The following SDK2 variants were observed in gnomAD, a reference collection of about 807,000 sequenced individuals.
SDK2 encodes protein sidekick-2.
In SDK2, 105 loss-of-function variants were observed where a neutral mutation model predicts 253.9. The observed-to-expected ratio is 0.41, with a 90% confidence interval of 0.35 to 0.49. The LOEUF (loss-of-function observed/expected upper bound fraction) is 0.49, where lower values mean the gene tolerates loss of function less well. SDK2 is among the 20% of genes least tolerant of loss of function. The probability of loss-of-function intolerance (pLI) is 0.06; values close to 1 mark genes in which losing one functional copy is unlikely to be tolerated. For synonymous variants in SDK2, 1,249 were observed against 1,234.9 expected, an observed-to-expected ratio of 1.01 and a Z score of -0.24; for missense variants, 2,608 against 3,003.0, an observed-to-expected ratio of 0.87 and a Z score of 3.07.
chr17:73,347,667 G>A (rs534619116), intron 44 of SDK2, among the ~76,000 whole-genome samples: 5 of 152,196 alleles, frequency 3.3e-5, no homozygotes, highest in Non-Finnish European at 5.9e-5. Flanking sequence ...GGTCCAGGGC[G>A]TGGGATGCAG....
chr17:73,458,028 G>A (rs181941838), intron 3 of SDK2, among the ~76,000 whole-genome samples: 92 of 152,176 alleles, frequency 6.0e-4, no homozygotes, highest in South Asian at 2.9e-3. Context: ...ATTCAGGCTG[G>A]AGCACAGTGG....
chr17:73,635,364 C>T (rs2046317628), intron 1 of SDK2, among the ~76,000 whole-genome samples: 3 of 152,104 alleles, frequency 2.0e-5, no homozygotes, highest in African/African-American at 7.2e-5. Flanking sequence ...TCTCACGGCT[C>T]GAAGCAGCAA....
At chr17:73,531,112 C>T (rs564515366) in intron 1 of SDK2, among the ~76,000 whole-genome samples, 10 of 152,306 alleles carry the variant, frequency 6.6e-5, no homozygotes, top group African/African-American at 1.7e-4. Context: ...CTTGTTCCCA[C>T]CCTCATCCCT....
intron 38 of SDK2, among the ~76,000 whole-genome samples, chr17:73,363,712 C>A (rs894944543): frequency 6.6e-6 from 1 of 152,066 alleles, no homozygotes; most frequent in Non-Finnish European, 1.5e-5. Context: ...CAGATCCCAC[C>A]AGACTGTGGA....
At chr17:73,568,769 C>T (rs1328616294) in intron 1 of SDK2, among the ~76,000 whole-genome samples, 2 of 141,770 alleles carry the variant, frequency 1.4e-5, no homozygotes, top group Admixed American at 1.4e-4. Context: ...CAATGAACCC[C>T]AAGCAGGATA....
intron 1 of SDK2, among the ~76,000 whole-genome samples, chr17:73,531,979 A>G (rs2064172395): frequency 6.6e-6 from 1 of 152,016 alleles, no homozygotes; most frequent in African/African-American, 2.4e-5. Context: ...GCGCCTTCTA[A>G]TCTCCATCGT....
rs376374660 is a variant in SDK2, at chr17:73,419,105, C to T, written c.2186+61G>A. 37 of 1,572,366 alleles carry T rather than the reference C, an allele frequency of 2.4e-5. No homozygotes were observed. In the African/African-American group the frequency reaches 2.6e-4, roughly 11 times the overall value. The stretch of plus-strand genomic sequence containing the variant: ...TTTGCACTGTTTTCCAGTCCACTCC[C>T]GATCTTCCCCCATGCCTTTCCCCTT... On this transcript the variant is annotated intron_variant, in intron 16 of 44. Coordinates refer to ENST00000392650, the MANE Select transcript of SDK2 (RefSeq NM_001144952.2).
intron 2 of SDK2, among the ~76,000 whole-genome samples, chr17:73,498,778 A>C (rs1156251890): frequency 6.6e-6 from 1 of 152,174 alleles, no homozygotes; most frequent in Non-Finnish European, 1.5e-5. Context: ...TTTGTTAATA[A>C]GAGTTAAGGT....
At chr17:73,550,020 C>T (rs887843410) in intron 1 of SDK2, among the ~76,000 whole-genome samples, 6 of 152,130 alleles carry the variant, frequency 3.9e-5, no homozygotes, top group Non-Finnish European at 7.4e-5. Context: ...ATGCACCCCT[C>T]CCGCTGCTCT....
chr17:73,496,815 ACTC>A lies in SDK2; in HGVS notation c.224+10620_224+10622del, dbSNP rs1456008955. Among the ~76,000 whole-genome samples the A allele has an allele frequency of 6.6e-6, 1 of 150,822 alleles. No individual in the cohort carries two copies. Reference sequence around the variant, plus strand: ...GCCCCGACTTGCTCATCCCTCTCTAACTCCTCAACTTGCCCCATCCTCCCCCTC... The same window carrying A: ...GCCCCGACTTGCTCATCCCTCTCTAACTCAACTTGCCCCATCCTCCCCCTC... On this transcript the variant is annotated intron_variant, in intron 2 of 44. Coordinates refer to ENST00000392650, the MANE Select transcript of SDK2 (RefSeq NM_001144952.2). This position sits in a 1 kb window ranked among gnomAD's most constrained non-coding sequence, Gnocchi z 4.7.
chr17:73,565,482 C>A (rs546033260), intron 1 of SDK2, among the ~76,000 whole-genome samples: 42 of 152,222 alleles, frequency 2.8e-4, no homozygotes, highest in African/African-American at 9.6e-4. Flanking sequence ...GATCCCTACA[C>A]AATAGAAAAG....
At chr17:73,568,549 T>G (rs988377593) in intron 1 of SDK2, among the ~76,000 whole-genome samples, 8 of 151,638 alleles carry the variant, frequency 5.3e-5, no homozygotes, top group Non-Finnish European at 8.8e-5. Flanking sequence ...TGAAAATAGA[T>G]CAATAAAAAA....
At chr17:73,368,006 A>G (rs192106396) in intron 37 of SDK2, among the ~76,000 whole-genome samples, 11 of 152,222 alleles carry the variant, frequency 7.2e-5, no homozygotes, top group African/African-American at 2.6e-4. Context: ...TGTCCCTAGC[A>G]TCTAGCATGG....
intron 2 of SDK2, among the ~76,000 whole-genome samples, chr17:73,499,248 C>T (rs961912588): frequency 4.6e-5 from 7 of 152,254 alleles, no homozygotes; most frequent in Admixed American, 1.3e-4. Context: ...CCAGTGGCTC[C>T]GCGTGCGTCC....
Position 73,440,851 on chromosome 17 carries a change from C to G in SDK2, c.686G>C (p.Gly229Ala). ...IPPKNTSVVA[G>A]TSEVTLECVA... ...ACACTCCAAGGTAACCTCTGAGGTG[C>G]CGGCCACCACGCTGGTGTTTTTAGG... The change falls in exon 6 of 45, where the codon GGC (glycine) becomes GCC (alanine). Residue 229 changes from glycine to alanine, a missense_variant. By Grantham distance (60) the Gly-to-Ala change is moderately conservative. Around this residue, in one of 2 missense-constraint regions of SDK2, gnomAD observed 1,505 missense variants for 1,859.1 expected, o/e 0.81. Transcript: ENST00000392650. 1 of 1,551,660 alleles carries G rather than the reference C, an allele frequency of 6.4e-7. No individual in the cohort carries two copies. Among genetic ancestry groups the G allele is most frequent in the Non-Finnish European group, 8.7e-7 (1 of 1,146,956 alleles).
intron 1 of SDK2, among the ~76,000 whole-genome samples, chr17:73,607,221 A>T (rs958185004): frequency 3.3e-5 from 5 of 152,352 alleles, no homozygotes; most frequent in African/African-American, 1.2e-4. Flanking sequence ...GGAAGAGAGG[A>T]GTTGTCCTCA....
At chr17:73,547,970 C>A (rs1226398439) in intron 1 of SDK2, among the ~76,000 whole-genome samples, 1 of 152,312 alleles carries the variant, frequency 6.6e-6, no homozygotes, top group South Asian at 2.1e-4. Context: ...GCATGTCTTA[C>A]CATGGCAGAG....
intron 1 of SDK2, among the ~76,000 whole-genome samples, chr17:73,597,610 T>C (rs140218523): frequency 1.8e-4 from 28 of 152,070 alleles, no homozygotes; most frequent in African/African-American, 2.7e-4. Flanking sequence ...TATGTATTCA[T>C]AGGAGTTTTC....
At chr17:73,381,926 A>G (rs2062834409) in intron 33 of SDK2, among the ~76,000 whole-genome samples, 1 of 138,230 alleles carries the variant, frequency 7.2e-6, no homozygotes, top group Non-Finnish European at 1.6e-5. Flanking sequence ...AAAAAACAAA[A>G]AACAAAAGCC....
Sources: gnomAD v4.1 joint callset for allele counts (sites outside exome capture counted in the v4.1 genomes callset) on GRCh38, gnomAD v4.1.1 for gene constraint, gnomAD v4.1.1 regional missense constraint, Gnocchi (gnomAD v3.1) non-coding constraint, MANE v1.5 for transcripts, NCBI Gene and HGNC (gene_info 2026-07-23, HGNC 2026-07-21) for gene names.